The following ZNF462 variants were observed in gnomAD, a reference collection of about 807,000 sequenced individuals.
ZNF462 encodes the protein zinc finger PBX1-interacting protein.
ZNF462 carries 10 observed loss-of-function variants against 201.9 expected under a neutral mutation model. The ratio of observed to expected loss-of-function variants is 0.05; its 90% confidence interval spans 0.03 to 0.08. The LOEUF is 0.08. Among genes scored for constraint, ZNF462 ranks in the 10% least tolerant of loss-of-function variants. The probability of loss-of-function intolerance (pLI) is 1.00; values close to 1 mark genes in which losing one functional copy is unlikely to be tolerated. For synonymous variants in ZNF462, 1,227 were observed against 1,193.3 expected (o/e 1.03, Z -0.58); for missense variants, 2,523 against 3,168.3 (o/e 0.80, Z 4.89).
chr9:106,957,163 C>T (rs1475017565), intron 7 of ZNF462, among the ~76,000 whole-genome samples: 1 of 152,084 alleles, frequency 6.6e-6, no homozygotes, highest in East Asian at 1.9e-4. Context: ...AGGCGAGAGA[C>T]GTGTGACTTT....
intron 1 of ZNF462, among the ~76,000 whole-genome samples, chr9:106,867,593 T>G (rs1827396366): frequency 6.6e-6 from 1 of 151,864 alleles, no homozygotes; most frequent in Non-Finnish European, 1.5e-5. Context: ...AAAAACAAAC[T>G]TATCTGCTCT....
At chr9:106,910,423 C>T (rs1188235130) in intron 1 of ZNF462, among the ~76,000 whole-genome samples, 3 of 127,528 alleles carry the variant, frequency 2.4e-5, no homozygotes, top group Non-Finnish European at 3.2e-5. Context: ...ACTAGCAGAA[C>T]TTTTTCTTGG....
Position 106,925,519 on chromosome 9 carries a change from C to G in ZNF462, c.1607C>G (p.Pro536Arg), listed in dbSNP as rs1288015948. 3 of 1,613,972 alleles carry G rather than the reference C, an allele frequency of 1.9e-6. No individual in the cohort carries two copies. Among genetic ancestry groups the G allele is most frequent in the Non-Finnish European group, 2.5e-6 (3 of 1,179,982 alleles). Residue 536 changes from proline to arginine, a missense_variant, in exon 3 of 13, where the codon CCC becomes CGC. Pro to Arg is a moderately radical substitution (Grantham distance 103). Coordinates refer to ENST00000277225, the MANE Select transcript of ZNF462 (RefSeq NM_021224.6). This position sits in a 1 kb window ranked among gnomAD's most constrained non-coding sequence, Gnocchi z 7.9. ...AGAAAGTCAGGAGTCATGTTGGATCCCTTGCAGCAGCAACAGCCACCGCAG... is the reference window on the plus strand; with the variant it reads ...AGAAAGTCAGGAGTCATGTTGGATCGCTTGCAGCAGCAACAGCCACCGCAG... ...NGRKSGVMLD[P>R]LQQQQPPQPP...
chr9:106,928,246 C>G lies in ZNF462; in HGVS notation c.4334C>G (p.Pro1445Arg), dbSNP rs1197576561. The G allele has an allele frequency of 6.2e-7, 1 of 1,613,934 alleles. No individual in the cohort carries two copies. Among genetic ancestry groups the G allele is most frequent in the Non-Finnish European group, 8.5e-7 (1 of 1,179,988 alleles). The change falls in exon 3 of 13, where the codon CCA (proline) becomes CGA (arginine). Residue 1445 changes from proline (P) to arginine (R), a missense_variant. Physicochemically the swap from Pro to Arg is moderately radical, Grantham distance 103. Transcript: ENST00000277225. The surrounding 1 kb of genome is among the most constrained non-coding windows in gnomAD (Gnocchi z 9.3). ...TPFPEQEAEC[P>R]EDARLSPEKS... ...TTCCCGGAGCAGGAAGCTGAATGTC[C>G]AGAGGATGCAAGACTGTCCCCTGAG...
chr9:106,994,034 T>C (rs1828498102), intron 10 of ZNF462, among the ~76,000 whole-genome samples: 1 of 152,318 alleles, frequency 6.6e-6, no homozygotes, highest in Middle Eastern at 3.4e-3. Flanking sequence ...TAGTGTTCTT[T>C]ATGGTTCTGA....
chr9:106,881,254 C>T (rs1023823745), intron 1 of ZNF462, among the ~76,000 whole-genome samples: 3 of 152,114 alleles, frequency 2.0e-5, no homozygotes, highest in Non-Finnish European at 2.9e-5. Context: ...AGCGTGCCCT[C>T]ATATGAGGGA....
intron 10 of ZNF462, among the ~76,000 whole-genome samples, chr9:107,001,630 G>A (rs1829191778): frequency 6.6e-6 from 1 of 152,116 alleles, no homozygotes; most frequent in Admixed American, 6.5e-5. Flanking sequence ...AGTTAGTAAG[G>A]TGCTACAAGC....
At chr9:107,002,729 G>A (rs1157814542) in intron 10 of ZNF462, among the ~76,000 whole-genome samples, 1 of 152,178 alleles carries the variant, frequency 6.6e-6, no homozygotes, top group Non-Finnish European at 1.5e-5. Flanking sequence ...AAAAACAGTA[G>A]TAACACTAAC....
intron 7 of ZNF462, among the ~76,000 whole-genome samples, chr9:106,949,288 A>G (rs550641315): frequency 9.2e-5 from 14 of 152,322 alleles, no homozygotes; most frequent in Admixed American, 6.5e-4. Context: ...CTAGAGCCCT[A>G]GCACTGGGTA....
In ZNF462 at chr9:106,926,429, T is replaced by A; in HGVS notation, c.2517T>A (p.Ser839=). 1 of 1,614,190 alleles carries A rather than the reference T, an allele frequency of 6.2e-7. No individual in the cohort carries two copies. The highest frequency in any genetic ancestry group is 8.5e-7 in the Non-Finnish European group (1 of 1,180,036). The stretch of plus-strand genomic sequence containing the variant: ...GTGAAAACACAGACTTTGGTGACTC[T>A]GGAAGGCTTTACTATTGTAAACACT... ...HNSENTDFGD[S]GRLYYCKHCD... is the part of the protein sequence containing the mutation. Residue 839 remains serine, a synonymous_variant, in exon 3 of 13, where the codon TCT becomes TCA. Transcript: ENST00000277225. This position sits in a 1 kb window ranked among gnomAD's most constrained non-coding sequence, Gnocchi z 7.9.
chr9:106,874,103 C>T (rs1381225257), intron 1 of ZNF462, among the ~76,000 whole-genome samples: 2 of 151,944 alleles, frequency 1.3e-5, no homozygotes, highest in Non-Finnish European at 2.9e-5. Context: ...AGATAAAGGA[C>T]TAAAATAGAA....
intron 1 of ZNF462, among the ~76,000 whole-genome samples, chr9:106,888,203 G>A (rs1372199544): frequency 4.0e-5 from 6 of 151,510 alleles, no homozygotes; most frequent in South Asian, 2.1e-4. Context: ...CACCGCGCCC[G>A]GCTAATTTTT....
rs1212785238 is a variant in ZNF462 at position 106,972,221 on chromosome 9, G to A, written c.6644G>A (p.Gly2215Asp). The A allele has an allele frequency of 6.2e-7, 1 of 1,614,104 alleles. No individual in the cohort carries two copies. The highest frequency in any genetic ancestry group is 1.3e-5 in the African/African-American group (1 of 74,942). ...SIRRHYRDKH[G>D]GKKLFKCKDC... is the part of the protein sequence containing the mutation. ...AGGCGTCATTACCGGGACAAGCATG[G>A]TGGGAAGAAGCTTTTCAAGTGCAAA... The change falls in exon 8 of 13, where the codon GGT (glycine) becomes GAT (aspartate). Residue 2215 changes from glycine (G) to aspartate (D), a missense_variant. Gly to Asp is a moderately conservative substitution (Grantham distance 94). Transcript: ENST00000277225. The surrounding 1 kb of genome is among the most constrained non-coding windows in gnomAD (Gnocchi z 4.8).
chr9:106,955,980 A>G (rs1370554857), intron 7 of ZNF462, among the ~76,000 whole-genome samples: 1 of 152,110 alleles, frequency 6.6e-6, no homozygotes, highest in African/African-American at 2.4e-5. Context: ...GTCATCCATG[A>G]GAGTTGGAAT....
At chr9:106,971,357 G>A (rs1826597003) in intron 7 of ZNF462, among the ~76,000 whole-genome samples, 1 of 143,502 alleles carries the variant, frequency 7.0e-6, no homozygotes, top group Non-Finnish European at 1.5e-5. Context: ...GCCATGCTGC[G>A]ATTTCCTTTA....
In ZNF462 at chr9:106,939,022, G is replaced by A; in HGVS notation, c.6342G>A (p.Arg2114=). ...KVHGKALTLP[R]PRIVSLLSSH... ...ACGGAAAAGCCCTGACCCTCCCCAG[G>A]CCACGGATCGTCAGTCTCCTCTCCT... The change falls in exon 7 of 13, where the codon AGG becomes AGA. Residue 2114 remains arginine (R), a synonymous_variant. Transcript: ENST00000277225. 6.2e-7 allele frequency: 1 copy of A among 1,613,842 alleles called. No homozygotes were observed. The highest frequency in any genetic ancestry group is 8.5e-7 in the Non-Finnish European group (1 of 1,179,920).
rs1411034288 is a variant in ZNF462, at chr9:106,865,249, CT to C, written c.-31+1896del. Reference sequence around the variant, plus strand: ...AGTGGACCTGAAGGGTTTTGACCTCCTTCAGGAAAGGCAAGGCAAAAACCTT... The same window carrying C: ...AGTGGACCTGAAGGGTTTTGACCTCCTCAGGAAAGGCAAGGCAAAAACCTT... On this transcript the variant is annotated intron_variant, in intron 1 of 12. Coordinates refer to ENST00000277225, the MANE Select transcript of ZNF462 (RefSeq NM_021224.6). The surrounding 1 kb of genome is among the most constrained non-coding windows in gnomAD (Gnocchi z 4.1). Among the ~76,000 whole-genome samples the C allele has an allele frequency of 6.6e-6, 1 of 152,080 alleles. No homozygotes were observed. Among genetic ancestry groups the C allele is most frequent in the Non-Finnish European group, 1.5e-5 (1 of 68,028 alleles).
intron 10 of ZNF462, among the ~76,000 whole-genome samples, chr9:106,995,270 T>C (rs1351131312): frequency 6.6e-6 from 1 of 152,158 alleles, no homozygotes; most frequent in Non-Finnish European, 1.5e-5. Context: ...GACACAGTGA[T>C]TGCAAAAGAA....
intron 7 of ZNF462, among the ~76,000 whole-genome samples, chr9:106,946,917 G>A (rs1212444832): frequency 6.6e-6 from 1 of 152,194 alleles, no homozygotes; most frequent in Non-Finnish European, 1.5e-5. Flanking sequence ...CATTCTGATT[G>A]TATGTCCCAG....
Sources: gnomAD v4.1 joint callset for allele counts (sites outside exome capture counted in the v4.1 genomes callset) on GRCh38, gnomAD v4.1.1 for gene constraint, Gnocchi (gnomAD v3.1) non-coding constraint, MANE v1.5 for transcripts, NCBI Gene and HGNC (gene_info 2026-07-23, HGNC 2026-07-21) for gene names.